The following DAAM1 variants were observed in gnomAD, a reference collection of about 807,000 sequenced individuals.
The protein encoded by DAAM1 is disheveled-associated activator of morphogenesis 1.
A neutral mutation model predicts 130.0 loss-of-function variants in DAAM1; 52 were observed. The observed-to-expected ratio is 0.40, with a 90% confidence interval of 0.32 to 0.50. The LOEUF (loss-of-function observed/expected upper bound fraction) is 0.50. DAAM1 is among the 20% of genes least tolerant of loss of function. The pLI, the probability that DAAM1 is intolerant of heterozygous loss-of-function variation, is 0.61. For missense variants in DAAM1, 1,134 were observed against 1,303.8 expected, an observed-to-expected ratio of 0.87 and a Z score of 2.01; for synonymous variants, 452 against 444.5, an observed-to-expected ratio of 1.02 and a Z score of -0.21.
At chr14:59,328,454 T>G (rs894337348) in intron 12 of DAAM1, among the ~76,000 whole-genome samples, 4 of 152,196 alleles carry the variant, frequency 2.6e-5, no homozygotes, top group African/African-American at 9.6e-5. Flanking sequence ...AGGAGAGCAC[T>G]TAGGATGTAA....
intron 3 of DAAM1, among the ~76,000 whole-genome samples, chr14:59,311,891 G>T (rs759139299): frequency 6.6e-6 from 1 of 151,994 alleles, no homozygotes; most frequent in African/African-American, 2.4e-5. Flanking sequence ...GAGAGATGGG[G>T]TCTTGCTATG....
intron 1 of DAAM1, among the ~76,000 whole-genome samples, chr14:59,205,847 G>C (rs1264146092): frequency 6.6e-6 from 1 of 152,158 alleles, no homozygotes; most frequent in African/African-American, 2.4e-5. Context: ...GAATACAGTA[G>C]GTTAGAAGAG....
intron 1 of DAAM1, among the ~76,000 whole-genome samples, chr14:59,229,595 T>A (rs1163576758): frequency 6.6e-6 from 1 of 152,244 alleles, no homozygotes; most frequent in African/African-American, 2.4e-5. Flanking sequence ...CTACTCTCAT[T>A]TTTGAAGTAA....
At chr14:59,335,423 C>A (rs990043331) in intron 15 of DAAM1, among the ~76,000 whole-genome samples, 3 of 152,150 alleles carry the variant, frequency 2.0e-5, no homozygotes, top group Non-Finnish European at 4.4e-5. Flanking sequence ...CCAGGTCAGC[C>A]ACAAAAGACT....
chr14:59,309,962 C>A (rs535975305), intron 3 of DAAM1, among the ~76,000 whole-genome samples: 2 of 152,286 alleles, frequency 1.3e-5, no homozygotes, highest in Admixed American at 1.3e-4. Context: ...TATAACCTAA[C>A]ACAATAAACT....
At chr14:59,273,822 G>C (rs1406637103) in intron 2 of DAAM1, among the ~76,000 whole-genome samples, 1 of 152,156 alleles carries the variant, frequency 6.6e-6, no homozygotes, top group Non-Finnish European at 1.5e-5. Context: ...GCAATTAACT[G>C]TACATAAGAA....
At chr14:59,295,117 G>C (rs1883905268) in intron 3 of DAAM1, among the ~76,000 whole-genome samples, 2 of 152,184 alleles carry the variant, frequency 1.3e-5, no homozygotes, top group African/African-American at 4.8e-5. Flanking sequence ...GATGACAGCA[G>C]ATATTTGAGG....
At chr14:59,213,066 A>AT (rs990466963) in intron 1 of DAAM1, among the ~76,000 whole-genome samples, 7 of 151,096 alleles carry the variant, frequency 4.6e-5, no homozygotes, top group Non-Finnish European at 7.4e-5. Flanking sequence ...AGGAGTAGGG[A>AT]TTAGAAATCG....
At chr14:59,276,758 C>G (rs1466806204) in intron 2 of DAAM1, among the ~76,000 whole-genome samples, 1 of 152,142 alleles carries the variant, frequency 6.6e-6, no homozygotes, top group Admixed American at 6.5e-5. Context: ...GGTACCTTAT[C>G]AAGGACCATT....
At chr14:59,326,136 G>A (rs1046470389) in intron 10 of DAAM1, 59 bp downstream of exon 10, 2 of 1,512,962 alleles carry the variant, frequency 1.3e-6, no homozygotes, top group Non-Finnish European at 1.8e-6. Flanking sequence ...GTCCTAATGG[G>A]TTCTGGCTCC....
At chr14:59,338,298 C>T in intron 15 of DAAM1, 5 of 1,328,782 alleles carry the variant, frequency 3.8e-6, no homozygotes, top group Non-Finnish European at 5.4e-6. Context: ...GTTTCCTTGA[C>T]TGCTTTGACT....
chr14:59,313,820 A>T (rs1161422651), intron 3 of DAAM1, among the ~76,000 whole-genome samples: 1 of 152,230 alleles, frequency 6.6e-6, no homozygotes, highest in Admixed American at 6.5e-5. Context: ...TTAAAAACTC[A>T]TCAGATTTCC....
chr14:59,322,518 T>C (rs1482492213), intron 5 of DAAM1, among the ~76,000 whole-genome samples: 2 of 149,256 alleles, frequency 1.3e-5, no homozygotes, highest in Non-Finnish European at 3.0e-5. Flanking sequence ...AAAAAAAGGA[T>C]TGGGGTGGGG....
At position 59,227,183 on chromosome 14, in the gene DAAM1, A is replaced by G. The variant is rs1287367172; in HGVS notation, c.-37-36258A>G. On this transcript the variant is annotated intron_variant, in intron 1 of 24. Coordinates refer to ENST00000360909, the MANE Select transcript of DAAM1 (RefSeq NM_001270520.2). ...TCTGGTTCTTTACAGACTCCCTTAC[A>G]AATACTGTTGGTGCTTTCATAAAGT... is the stretch of plus-strand genomic sequence containing the variant. Among the ~76,000 whole-genome samples, 3 of 146,290 alleles carry G rather than the reference A, an allele frequency of 2.1e-5. No homozygotes were observed. In the East Asian group the frequency reaches 6.0e-4, roughly 29 times the overall value.
chr14:59,285,240 G>A lies in DAAM1; in HGVS notation c.184-5977G>A, dbSNP rs1048596220. 3.4e-4 allele frequency among the ~76,000 whole-genome samples: 51 copies of A among 152,060 alleles called. 1 individual carries two copies. Among genetic ancestry groups the A allele is most frequent in the Non-Finnish European group, 2.5e-4 (17 of 67,998 alleles). On this transcript the variant is annotated intron_variant, in intron 2 of 24. Coordinates refer to ENST00000360909, the MANE Select transcript of DAAM1 (RefSeq NM_001270520.2). The stretch of plus-strand genomic sequence containing the variant: ...CATAAAGTGAAGGAGAAACAAAATC[G>A]TTTTCAGACAAGCAAATGCTAAGGG...
intron 1 of DAAM1, among the ~76,000 whole-genome samples, chr14:59,230,325 A>AC (rs1889066111): frequency 6.8e-6 from 1 of 146,306 alleles, no homozygotes; most frequent in East Asian, 2.0e-4. Context: ...TTTTCCCCCC[A>AC]CAAGCTAGGA....
chr14:59,327,398 G>GTTTTTTTTTTTTTTTTTTTTTTTTTTTTT (rs1338982717), intron 12 of DAAM1, among the ~76,000 whole-genome samples: 1 of 72,774 alleles, frequency 1.4e-5, no homozygotes, highest in Non-Finnish European at 2.6e-5. Flanking sequence ...AGGTCACTTG[G>GTTTTTTTTTTTTTTTTTTTTTTTTTTTTT]TTTCTTTTTT....
chr14:59,200,519 A>G (rs1051453626), intron 1 of DAAM1, among the ~76,000 whole-genome samples: 1 of 152,110 alleles, frequency 6.6e-6, no homozygotes, highest in African/African-American at 2.4e-5. Flanking sequence ...CTTTGGCAAC[A>G]CTGAAACTTG....
chr14:59,273,192 C>T (rs1008735), intron 2 of DAAM1, among the ~76,000 whole-genome samples: 32,901 of 152,048 alleles, frequency 0.22, 3,689 homozygotes, highest in East Asian at 0.33. Context: ...GCTTAAGATA[C>T]GACCATAAAA....
Sources: gnomAD v4.1 joint callset for allele counts (sites outside exome capture counted in the v4.1 genomes callset) on GRCh38, gnomAD v4.1.1 for gene constraint, MANE v1.5 for transcripts, NCBI Gene and HGNC (gene_info 2026-07-23, HGNC 2026-07-21) for gene names.